CDH26: variants seen among roughly 807,000 people sequenced by gnomAD.
CDH26 encodes the protein cadherin-like protein 26.
A neutral mutation model predicts 90.3 loss-of-function variants in CDH26; 83 were observed. The observed-to-expected ratio is 0.92, with a 90% CI of 0.77 to 1.10. CDH26 has a LOEUF of 1.10. CDH26 is among the 50% of genes least tolerant of loss of function. The pLI, the probability that CDH26 is intolerant of heterozygous loss-of-function variation, is 0.00. For missense variants in CDH26, 1,013 were observed against 1,037.6 expected (o/e 0.98, Z 0.33); for synonymous variants, 397 against 396.3 (o/e 1.00, Z -0.02).
At chr20:59,993,878 A>G (rs1423330265) in intron 10 of CDH26, among the ~76,000 whole-genome samples, 1 of 152,176 alleles carries the variant, frequency 6.6e-6, no homozygotes, top group Non-Finnish European at 1.5e-5. Flanking sequence ...CAACGCGGAG[A>G]CGCAGCGCAT....
At position 60,013,239 on chromosome 20, in the gene CDH26, T is replaced by C. The variant is rs2061871787; in HGVS notation, c.*509T>C. ...TTTTTAAAAAATAAGTATTGGTCCC[T>C]GTTCACTTTTTGATTAGATAAATAG... is the stretch of plus-strand genomic sequence containing the variant. On this transcript the variant is annotated 3_prime_UTR_variant, in exon 18 of 18. Transcript: ENST00000348616. 1 of 152,632 alleles carries C rather than the reference T, an allele frequency of 6.6e-6. No homozygotes were observed. Among genetic ancestry groups the C allele is most frequent in the Admixed American group, 6.5e-5 (1 of 15,334 alleles). The allele number at this position is 152,632 out of a possible 1,614,324, so 9.5% of individuals were successfully genotyped here.
chr20:59,970,243 C>T (rs1045441689), intron 3 of CDH26, 57 bp downstream of exon 3: 4 of 1,590,290 alleles, frequency 2.5e-6, no homozygotes, highest in Non-Finnish European at 1.7e-6. Flanking sequence ...AAGCACGCCC[C>T]TTTGGCCAGG....
chr20:59,967,934 C>CTTT (rs2061188430), intron 1 of CDH26, among the ~76,000 whole-genome samples: 3 of 109,774 alleles, frequency 2.7e-5, no homozygotes, highest in Non-Finnish European at 5.3e-5. Context: ...CTTTCCTTTC[C>CTTT]CTTTCTTTCT....
chr20:59,964,812 G>A (rs2145968026), intron 1 of CDH26, among the ~76,000 whole-genome samples: 1 of 152,254 alleles, frequency 6.6e-6, no homozygotes, highest in South Asian at 2.1e-4. Context: ...AATTTACAGA[G>A]CTTTAGTGTT....
At chr20:59,977,947 C>A (rs904206902) in intron 4 of CDH26, among the ~76,000 whole-genome samples, 2 of 152,218 alleles carry the variant, frequency 1.3e-5, no homozygotes, top group African/African-American at 2.4e-5. Flanking sequence ...GAACCCCTGG[C>A]AACCACTGGT....
intron 7 of CDH26, among the ~76,000 whole-genome samples, chr20:60,027,124 T>G (rs2146034015): frequency 6.6e-6 from 1 of 151,874 alleles, no homozygotes; most frequent in South Asian, 2.1e-4. Flanking sequence ...GGGGACAGGG[T>G]TATGGTCTTG....
chr20:59,989,160 T>C lies in CDH26; in HGVS notation c.1280T>C (p.Ile427Thr), dbSNP rs1344448684. Reference protein sequence around the residue: ...TFNAMDPDSQIRYELVHDPAN... With the variant: ...TFNAMDPDSQTRYELVHDPAN... ...AATGCCATGGATCCAGACAGCCAGA[T>C]AAGGTGAGAAGAGAGGGCCAAGAAG... is the stretch of plus-strand genomic sequence containing the variant. The change falls in exon 9 of 18, where the codon ATA becomes ACA. Residue 427 changes from isoleucine (I) to threonine (T), a missense_variant. Ile to Thr is a moderately conservative substitution (Grantham distance 89). Transcript: ENST00000348616. The C allele has an allele frequency of 1.2e-6, 2 of 1,614,014 alleles. No individual in the cohort carries two copies.
chr20:59,984,127 C>T (rs1569036627), intron 5 of CDH26, among the ~76,000 whole-genome samples: 1 of 152,206 alleles, frequency 6.6e-6, no homozygotes, highest in Admixed American at 6.5e-5. Context: ...GACCTGCCCC[C>T]AGTCCACGAA....
At chr20:59,964,515 G>T (rs1183924379) in intron 1 of CDH26, among the ~76,000 whole-genome samples, 1 of 151,510 alleles carries the variant, frequency 6.6e-6, no homozygotes, top group Non-Finnish European at 1.5e-5. Context: ...TCTTTGGACA[G>T]ACTGCCTAAA....
In CDH26 at chr20:59,996,680, G is replaced by A. The variant is rs896734519; in HGVS notation, c.1938G>A (p.Arg646=). Residue 646 remains arginine, a synonymous_variant, in exon 13 of 18, where the codon AGG becomes AGA. Coordinates refer to ENST00000348616, the MANE Select transcript of CDH26 (RefSeq NM_177980.4). ...LRCYFVLEPK[R]HGCSVSNDEG... Reference sequence around the variant, plus strand: ...GCTATTTTGTGCTTGAACCTAAGAGGCATGGATGCTCTGTATCCAATGATG... The same window carrying A: ...GCTATTTTGTGCTTGAACCTAAGAGACATGGATGCTCTGTATCCAATGATG... 5 of 1,614,088 alleles carry A rather than the reference G, an allele frequency of 3.1e-6. No homozygotes were observed. The highest frequency in any genetic ancestry group is 1.7e-5 in the Admixed American group (1 of 59,998).
intron 17 of CDH26, 89 bp from the exon 18 acceptor site, chr20:60,012,438 T>A: frequency 8.0e-7 from 1 of 1,254,490 alleles, no homozygotes; most frequent in Non-Finnish European, 1.1e-6. Flanking sequence ...TACTACTGCA[T>A]TGATGTGTTC....
Position 60,013,734 on chromosome 20 carries a change from T to C in CDH26, c.*1004T>C, listed in dbSNP as rs2061878176. On this transcript the variant is annotated 3_prime_UTR_variant, in exon 18 of 18. Transcript: ENST00000348616. Reference sequence around the variant, plus strand: ...AGAAACATGTTTGCTGGTGAATCAGTGAAGCATTATGTTAAACAGTGAGTT... The same window carrying C: ...AGAAACATGTTTGCTGGTGAATCAGCGAAGCATTATGTTAAACAGTGAGTT... 1 of 152,222 alleles carries C rather than the reference T, an allele frequency of 6.6e-6. No individual in the cohort carries two copies. Among genetic ancestry groups the C allele is most frequent in the Non-Finnish European group, 1.5e-5 (1 of 68,036 alleles). The allele number at this position is 152,222 out of a possible 1,614,324, so 9.4% of individuals were successfully genotyped here.
chr20:59,984,577 C>A, intron 5 of CDH26, 62 bp from the exon 6 acceptor site: 1 of 1,386,048 alleles, frequency 7.2e-7, no homozygotes, highest in Non-Finnish European at 9.9e-7. Context: ...ATAATTCATC[C>A]TCTTACTGGT....
chr20:60,012,836 C>G lies in CDH26; in HGVS notation c.*106C>G. ...TTTCCCTCCTTAAAAGAAAAATTAC[C>G]TTCTAGTCCTAGGATGAGGACACAC... On this transcript the variant is annotated 3_prime_UTR_variant, in exon 18 of 18. Transcript: ENST00000348616. 1 of 993,520 alleles carries G rather than the reference C, an allele frequency of 1.0e-6. No homozygotes were observed. The highest frequency in any genetic ancestry group is 1.5e-6 in the Non-Finnish European group (1 of 672,088). 61.5% of individuals were successfully genotyped at this position (993,520 alleles called of 1,614,324 possible). A position where few individuals can be genotyped will look rare whatever the true frequency, so the allele number is the denominator to read the frequency against.
chr20:59,958,853 C>T, intron 1 of CDH26, 58 bp downstream of exon 1: 3 of 1,539,778 alleles, frequency 1.9e-6, no homozygotes, highest in Non-Finnish European at 2.7e-6. Context: ...AAAGCACAAG[C>T]TGGCCCTGCC....
At chr20:59,986,947 GA>G (rs919174799) in intron 7 of CDH26, among the ~76,000 whole-genome samples, 14 of 151,792 alleles carry the variant, frequency 9.2e-5, no homozygotes, top group African/African-American at 3.4e-4. Context: ...AATATGGCTG[GA>G]AAAAAAATAT....
At chr20:59,966,795 G>A (rs1278172148) in intron 1 of CDH26, among the ~76,000 whole-genome samples, 1 of 152,130 alleles carries the variant, frequency 6.6e-6, no homozygotes, top group Non-Finnish European at 1.5e-5. Flanking sequence ...TATATACATG[G>A]ATGTTTATTA....
intron 9 of CDH26, among the ~76,000 whole-genome samples, chr20:59,990,330 T>G (rs1056539124): frequency 5.3e-5 from 8 of 152,180 alleles, no homozygotes; most frequent in Non-Finnish European, 1.0e-4. Flanking sequence ...TTGGCATTTT[T>G]GGGTCTATGT....
At chr20:60,015,164 T>C (rs1601214668), downstream of CDH26, among the ~76,000 whole-genome samples, 1 of 152,346 alleles carries the variant, frequency 6.6e-6, no homozygotes, top group East Asian at 1.9e-4. Context: ...TTTTGTATTT[T>C]TAGTAGAGAT....
Sources: gnomAD v4.1 joint callset for allele counts (sites outside exome capture counted in the v4.1 genomes callset) on GRCh38, gnomAD v4.1.1 for gene constraint, MANE v1.5 for transcripts, NCBI Gene and HGNC (gene_info 2026-07-23, HGNC 2026-07-21) for gene names.